CHD7: variants seen among roughly 807,000 people sequenced by gnomAD.
CHD7 encodes the protein chromodomain helicase DNA binding protein 7.
Under a neutral mutation model 307.3 loss-of-function variants are expected in CHD7, and 24 were observed. The observed-to-expected ratio is 0.08, with a 90% CI of 0.06 to 0.11. CHD7 has a LOEUF of 0.11. Among genes scored for constraint, CHD7 ranks in the 10% least tolerant of loss-of-function variants. The probability of loss-of-function intolerance (pLI) is 1.00; values close to 1 mark genes in which losing one functional copy is unlikely to be tolerated. For missense variants in CHD7, 3,106 were observed against 3,727.1 expected, an observed-to-expected ratio of 0.83 and a Z score of 4.34; for synonymous variants, 1,363 against 1,349.9, an observed-to-expected ratio of 1.01 and a Z score of -0.21.
At chr8:60,831,762 TG>T (rs1804529195) in intron 15 of CHD7, among the ~76,000 whole-genome samples, 1 of 152,104 alleles carries the variant, frequency 6.6e-6, no homozygotes, top group Non-Finnish European at 1.5e-5. Flanking sequence ...TGGCCAGCAG[TG>T]CAATTAGATT....
At chr8:60,794,056 A>T (rs1586338885) in intron 3 of CHD7, among the ~76,000 whole-genome samples, 1 of 152,102 alleles carries the variant, frequency 6.6e-6, no homozygotes, top group Admixed American at 6.5e-5. Context: ...CGGGAGGCGG[A>T]GGTTGCAGTG....
chr8:60,724,296 C>T (rs1423007305), intron 1 of CHD7, among the ~76,000 whole-genome samples: 1 of 152,150 alleles, frequency 6.6e-6, no homozygotes, highest in Non-Finnish European at 1.5e-5. Flanking sequence ...ACTTGGGTAA[C>T]AGCATTTGAG....
chr8:60,740,893 G>C (rs1586246088), intron 1 of CHD7, among the ~76,000 whole-genome samples: 1 of 152,358 alleles, frequency 6.6e-6, no homozygotes, highest in East Asian at 1.9e-4. Flanking sequence ...CAGCAGATGA[G>C]CTGCTTGGCT....
At chr8:60,827,687 A>G (rs1804314907) in intron 13 of CHD7, among the ~76,000 whole-genome samples, 1 of 152,122 alleles carries the variant, frequency 6.6e-6, no homozygotes, top group Non-Finnish European at 1.5e-5. Context: ...TCCTTCACCT[A>G]CTTTCAAAGA....
intron 7 of CHD7, among the ~76,000 whole-genome samples, chr8:60,816,121 C>G (rs62526523): frequency 0.024 from 2,144 of 88,848 alleles, 20 homozygotes; most frequent in African/African-American, 0.063. Flanking sequence ...CTGTCTCTCT[C>G]TCTCTCTCTC....
intron 2 of CHD7, among the ~76,000 whole-genome samples, chr8:60,745,039 C>T (rs963258302): frequency 7.3e-5 from 11 of 150,282 alleles, no homozygotes; most frequent in African/African-American, 2.7e-4. Flanking sequence ...TCCCTGAAGA[C>T]CTTGGTGATC....
At position 60,741,455 on chromosome 8, in the gene CHD7, G is replaced by C; in HGVS notation, c.23G>C (p.Ser8Thr). The change falls in exon 2 of 38, where the codon AGT becomes ACT. Residue 8 changes from serine to threonine, a missense_variant. Around this residue, in one of 10 missense-constraint regions of CHD7, gnomAD observed 998 missense variants for 1,004.5 expected, o/e 0.99. Transcript: ENST00000423902. ...AAGATGGCAGATCCAGGAATGATGA[G>C]TCTTTTTGGCGAGGATGGGAATATT... MADPGMM[S>T]LFGEDGNIFS... The C allele has an allele frequency of 6.2e-7, 1 of 1,608,868 alleles. No individual in the cohort carries two copies. The highest frequency in any genetic ancestry group is 8.5e-7 in the Non-Finnish European group (1 of 1,177,358).
rs200006916 is a variant in CHD7, at chr8:60,800,444, C to G, written c.2295C>G (p.Phe765Leu). The stretch of plus-strand genomic sequence containing the variant: ...AGCGCTACACTGAAGACCTGGAGTT[C>G]AAGATTTCTGATGAGGAGGCAGATG... ...KRKRYTEDLE[F>L]KISDEEADDA... is the part of the protein sequence containing the mutation. Residue 765 changes from phenylalanine (F) to leucine (L), a missense_variant, in exon 5 of 38, where the codon TTC (phenylalanine) becomes TTG (leucine). Physicochemically the swap from Phe to Leu is conservative, Grantham distance 22. Coordinates refer to ENST00000423902, the MANE Select transcript of CHD7 (RefSeq NM_017780.4). 5.0e-6 allele frequency: 8 copies of G among 1,613,708 alleles called. No homozygotes were observed. The African/African-American group carries it at 9.3e-5, about 19-fold the overall frequency.
At chr8:60,845,517 A>G (rs1444613351) in intron 23 of CHD7, 108 bp downstream of exon 23, 2 of 1,262,610 alleles carry the variant, frequency 1.6e-6, no homozygotes, top group Non-Finnish European at 2.2e-6. Context: ...GCAGATTTGG[A>G]GGGTCAACTG....
intron 1 of CHD7, among the ~76,000 whole-genome samples, chr8:60,724,540 A>G (rs1443549102): frequency 1.3e-5 from 2 of 152,210 alleles, no homozygotes; most frequent in Non-Finnish European, 2.9e-5. Context: ...GCAAATTTTC[A>G]TAGATGAGGA....
Position 60,708,559 on chromosome 8 carries a change from A to G in CHD7, c.-175+29477A>G, listed in dbSNP as rs141634156. ...TTCACCTGGGATGCAGGCCTCCCCT[A>G]CTGCCTGCCTACATTTCTAACTGTA... On this transcript the variant is annotated intron_variant, in intron 1 of 37. Transcript: ENST00000423902. Among the ~76,000 whole-genome samples the G allele has an allele frequency of 1.6e-3, 236 of 152,190 alleles. No homozygotes were observed. In the Middle Eastern group the frequency reaches 0.037, roughly 24 times the overall value.
At chr8:60,782,339 G>C (rs1239657835) in intron 3 of CHD7, among the ~76,000 whole-genome samples, 1 of 152,204 alleles carries the variant, frequency 6.6e-6, no homozygotes, top group African/African-American at 2.4e-5. Context: ...TTCTGCATTT[G>C]CTGTGAACTT....
chr8:60,765,507 G>C (rs547672600), intron 2 of CHD7, among the ~76,000 whole-genome samples: 2 of 152,216 alleles, frequency 1.3e-5, no homozygotes, highest in South Asian at 4.1e-4. Flanking sequence ...TTGGGAAGAG[G>C]TTATATTTAA....
intron 37 of CHD7, chr8:60,863,960 C>T (rs1806126061): frequency 6.6e-6 from 1 of 152,012 alleles, no homozygotes; most frequent in African/African-American, 2.4e-5. Flanking sequence ...GTCTCAAACT[C>T]ACCTCAAGCA....
At chr8:60,685,089 A>G (rs768446234) in intron 1 of CHD7, among the ~76,000 whole-genome samples, 2 of 152,222 alleles carry the variant, frequency 1.3e-5, no homozygotes, top group Admixed American at 6.5e-5. Flanking sequence ...CAGAGGCAAG[A>G]ATCAGATCTG....
chr8:60,845,135 T>C, intron 22 of CHD7, 72 bp downstream of exon 22: 3 of 1,585,890 alleles, frequency 1.9e-6, no homozygotes, highest in Non-Finnish European at 2.6e-6. Context: ...ACACTGTTGA[T>C]AAAGAGATGT....
intron 2 of CHD7, among the ~76,000 whole-genome samples, chr8:60,763,798 C>T (rs1204392256): frequency 6.6e-6 from 1 of 152,118 alleles, no homozygotes; most frequent in African/African-American, 2.4e-5. Context: ...CTTGGACATC[C>T]TGTCACTACT....
At chr8:60,798,500 C>T (rs953345294) in intron 4 of CHD7, among the ~76,000 whole-genome samples, 1 of 152,130 alleles carries the variant, frequency 6.6e-6, no homozygotes, top group Non-Finnish European at 1.5e-5. Context: ...GCAGGGAGAA[C>T]ATAAACTTAA....
chr8:60,697,073 G>C (rs999286954), intron 1 of CHD7, among the ~76,000 whole-genome samples: 2 of 152,128 alleles, frequency 1.3e-5, no homozygotes, highest in African/African-American at 4.8e-5. Context: ...CCGATTTAGT[G>C]TTAGCTTCTG....
Sources: gnomAD v4.1 joint callset for allele counts (sites outside exome capture counted in the v4.1 genomes callset) on GRCh38, gnomAD v4.1.1 for gene constraint, gnomAD v4.1.1 regional missense constraint, MANE v1.5 for transcripts, NCBI Gene and HGNC (gene_info 2026-07-23, HGNC 2026-07-21) for gene names.